GAPDH: variants seen among roughly 807,000 people sequenced by gnomAD.
GAPDH encodes OCAS, p38 component.
In GAPDH, 13 loss-of-function variants were observed where a neutral mutation model predicts 31.2. The observed-to-expected ratio is 0.42, with a 90% CI of 0.27 to 0.66. The LOEUF is 0.66. GAPDH is among the 30% of genes least tolerant of loss of function. The pLI is 0.26. For synonymous variants in GAPDH, 211 were observed against 166.9 expected (o/e 1.26, Z -2.04); for missense variants, 300 against 443.7 (o/e 0.68, Z 2.91).
chr12:6,535,155 C>T lies in GAPDH; in HGVS notation c.29+294C>T, dbSNP rs923345552. 8.4e-5 allele frequency: 88 copies of T among 1,048,130 alleles called. 1 individual carries two copies. In the Middle Eastern group the frequency reaches 1.4e-3, roughly 17 times the overall value. 64.9% of individuals were successfully genotyped at this position (1,048,130 alleles called of 1,614,324 possible). ...GACCCGGACCCCTAGGTGGGGGACG[C>T]TTTCTTTCCTTTCGCGCTCTGCGGG... On this transcript the variant is annotated intron_variant, in intron 2 of 8. Coordinates refer to ENST00000229239, the MANE Select transcript of GAPDH (RefSeq NM_002046.7).
chr12:6,534,601 T>C (rs964436761), intron 1 of GAPDH, 32 bp downstream of exon 1: 12 of 576,580 alleles, frequency 2.1e-5, no homozygotes, highest in Middle Eastern at 4.5e-4. Context: ...CCCGGGAGGC[T>C]AGGGACGGCC....
Position 6,537,273 on chromosome 12 carries a change from C to A in GAPDH, c.444-36C>A, listed in dbSNP as rs1190371258. 2 of 1,598,994 alleles carry A rather than the reference C, an allele frequency of 1.3e-6. No homozygotes were observed. Among genetic ancestry groups the A allele is most frequent in the South Asian group, 1.2e-5 (1 of 86,888 alleles). On this transcript the variant is annotated intron_variant, in intron 6 of 8. Transcript: ENST00000229239. The surrounding 1 kb of genome is among the most constrained non-coding windows in gnomAD (Gnocchi z 4.9). ...CAGCCTGGCACCCTATGGACACGCT[C>A]CCCTGACTTGCGCCCCGCTCCCTCT...
chr12:6,536,436 G>T, intron 2 of GAPDH, 58 bp from the exon 3 acceptor site: 1 of 1,268,032 alleles, frequency 7.9e-7, no homozygotes, highest in Non-Finnish European at 1.2e-6. Flanking sequence ...GCCTAGGGCT[G>T]CTCACATATT....
chr12:6,534,556 T>A lies in GAPDH; in HGVS notation c.-37T>A, dbSNP rs1946414806. Reference sequence around the variant, plus strand: ...CTGTTCGACAGTCAGCCGCATCTTCTTTTGCGTCGCCAGGTGAAGACGGGC... The same window carrying A: ...CTGTTCGACAGTCAGCCGCATCTTCATTTGCGTCGCCAGGTGAAGACGGGC... On this transcript the variant is annotated 5_prime_UTR_variant, in exon 1 of 9. Transcript: ENST00000229239. 6 of 521,728 alleles carry A rather than the reference T, an allele frequency of 1.2e-5. No homozygotes were observed. The highest frequency in any genetic ancestry group is 5.2e-4 in the Middle Eastern group (1 of 1,924). 32.3% of individuals were successfully genotyped at this position (521,728 alleles called of 1,614,324 possible). A position where few individuals can be genotyped will look rare whatever the true frequency, so the allele number is the denominator to read the frequency against.
intron 2 of GAPDH, 35 bp downstream of exon 2, chr12:6,534,896 C>A: frequency 2.5e-6 from 4 of 1,607,270 alleles, no homozygotes; most frequent in Non-Finnish European, 3.4e-6. Flanking sequence ...CCCTGGGCTG[C>A]GACCGCCCCC....
At chr12:6,535,449 C>T (rs1356744740) in intron 2 of GAPDH, 1 of 987,348 alleles carries the variant, frequency 1.0e-6, no homozygotes, top group Non-Finnish European at 1.2e-6. Flanking sequence ...CCGGGTGATG[C>T]TTTTCCTAGA....
chr12:6,536,609 T>C lies in GAPDH; in HGVS notation c.129+16T>C, dbSNP rs1442692775. 5.0e-6 allele frequency: 8 copies of C among 1,610,852 alleles called. No individual in the cohort carries two copies. The highest frequency in any genetic ancestry group is 6.8e-6 in the Non-Finnish European group (8 of 1,177,246). On this transcript the variant is annotated intron_variant, in intron 3 of 8. Coordinates refer to ENST00000229239, the MANE Select transcript of GAPDH (RefSeq NM_002046.7). The stretch of plus-strand genomic sequence containing the variant: ...CAACTACATGGTGAGTGCTACATGG[T>C]GAGCCCCAAAGCTGGTGTGGGAGGA...
At chr12:6,535,370 C>A in intron 2 of GAPDH, 2 of 989,922 alleles carry the variant, frequency 2.0e-6, no homozygotes, top group Non-Finnish European at 2.4e-6. Context: ...TGCGCTCCTG[C>A]CTCGATGGGT....
chr12:6,538,255 C>A lies in GAPDH; in HGVS notation c.*85C>A, dbSNP rs1946535357. Reference sequence around the variant, plus strand: ...GGGGAGTCCCTGCCACACTCAGTCCCCCACCACACTGAATCTCCCCTCCTC... The same window carrying A: ...GGGGAGTCCCTGCCACACTCAGTCCACCACCACACTGAATCTCCCCTCCTC... On this transcript the variant is annotated 3_prime_UTR_variant, in exon 9 of 9. Transcript: ENST00000229239. 5.5e-6 allele frequency: 6 copies of A among 1,093,200 alleles called. 1 individual carries two copies. The highest frequency in any genetic ancestry group is 3.7e-5 in the South Asian group (3 of 80,866). 67.7% of individuals were successfully genotyped at this position (1,093,200 alleles called of 1,614,324 possible). A position where few individuals can be genotyped will look rare whatever the true frequency, so the allele number is the denominator to read the frequency against.
In GAPDH at chr12:6,536,601, C is replaced by G. The variant is rs113854245; in HGVS notation, c.129+8C>G. 1 of 1,611,684 alleles carries G rather than the reference C, an allele frequency of 6.2e-7. No individual in the cohort carries two copies. Among genetic ancestry groups the G allele is most frequent in the East Asian group, 2.2e-5 (1 of 44,848 alleles). ...ATTGACCTCAACTACATGGTGAGTG[C>G]TACATGGTGAGCCCCAAAGCTGGTG... On this transcript the variant is annotated splice_region_variant and intron_variant, in intron 3 of 8. Transcript: ENST00000229239.
rs749094736 is a variant in GAPDH at position 6,536,809 on chromosome 12, G to A, written c.236+19G>A. 176 of 1,606,768 alleles carry A rather than the reference G, an allele frequency of 1.1e-4. No individual in the cohort carries two copies. The highest frequency in any genetic ancestry group is 1.4e-4 in the Non-Finnish European group (165 of 1,173,390). The stretch of plus-strand genomic sequence containing the variant: ...TCCAGGAGTGAGTGGAAGACAGAAT[G>A]GAAGAAATGTGCTTTGGGGAGGCAA... On this transcript the variant is annotated intron_variant, in intron 4 of 8. Transcript: ENST00000229239.
intron 2 of GAPDH, chr12:6,535,308 C>G (rs995080264): frequency 1.0e-6 from 1 of 1,000,286 alleles, no homozygotes; most frequent in Non-Finnish European, 1.2e-6. Flanking sequence ...ATGTTGCAAC[C>G]GGGAAGGAAA....
chr12:6,534,600 C>T, intron 1 of GAPDH, 31 bp downstream of exon 1: 1 of 576,240 alleles, frequency 1.7e-6, no homozygotes, highest in South Asian at 2.0e-5. Context: ...ACCCGGGAGG[C>T]TAGGGACGGC....
chr12:6,534,530 C>G lies in GAPDH; in HGVS notation c.-63C>G, dbSNP rs1385128877. On this transcript the variant is annotated 5_prime_UTR_variant, in exon 1 of 9. Transcript: ENST00000229239. ...GCCTCCCGCTTCGCTCTCTGCTCCTCCTGTTCGACAGTCAGCCGCATCTTC... is the reference window on the plus strand; with the variant it reads ...GCCTCCCGCTTCGCTCTCTGCTCCTGCTGTTCGACAGTCAGCCGCATCTTC... 2 of 476,432 alleles carry G rather than the reference C, an allele frequency of 4.2e-6. No individual in the cohort carries two copies. Among genetic ancestry groups the G allele is most frequent in the Non-Finnish European group, 7.6e-6 (2 of 262,998 alleles). 29.5% of individuals were successfully genotyped at this position (476,432 alleles called of 1,614,324 possible).
In GAPDH at chr12:6,538,358, C is replaced by G. The variant is rs771754711; in HGVS notation, c.*188C>G. 1 of 599,880 alleles carries G rather than the reference C, an allele frequency of 1.7e-6. No homozygotes were observed. Among genetic ancestry groups the G allele is most frequent in the Non-Finnish European group, 3.0e-6 (1 of 336,062 alleles). 37.2% of individuals were successfully genotyped at this position (599,880 alleles called of 1,614,324 possible). A position where few individuals can be genotyped will look rare whatever the true frequency, so the allele number is the denominator to read the frequency against. ...TTGTCATGTACCATCAATAAAGTAC[C>G]CTGTGCTCAACCAGTTACTTGTCCT... On this transcript the variant is annotated 3_prime_UTR_variant, in exon 9 of 9. Coordinates refer to ENST00000229239, the MANE Select transcript of GAPDH (RefSeq NM_002046.7).
chr12:6,535,258 A>G, intron 2 of GAPDH: 2 of 1,037,450 alleles, frequency 1.9e-6, no homozygotes, highest in Non-Finnish European at 2.3e-6. Flanking sequence ...CAGCGGGTGC[A>G]TCCCTGTCCG....
rs774047959 is a variant in GAPDH, at chr12:6,537,376, G to C, written c.511G>C (p.Val171Leu). 1.9e-6 allele frequency: 3 copies of C among 1,608,870 alleles called. No homozygotes were observed. Among genetic ancestry groups the C allele is most frequent in the Non-Finnish European group, 2.5e-6 (3 of 1,179,668 alleles). ...GGTCATCCATGACAACTTTGGTATC[G>C]TGGAAGGACTCATGGTATGAGAGCT... ...AKVIHDNFGI[V>L]EGLMTTVHAI... The change falls in exon 7 of 9, where the codon GTG becomes CTG. Residue 171 changes from valine (V) to leucine (L), a missense_variant. Coordinates refer to ENST00000229239, the MANE Select transcript of GAPDH (RefSeq NM_002046.7). The surrounding 1 kb of genome is among the most constrained non-coding windows in gnomAD (Gnocchi z 4.9).
chr12:6,536,654 G>T, intron 3 of GAPDH, 30 bp from the exon 4 acceptor site: 1 of 1,603,284 alleles, frequency 6.2e-7, no homozygotes, highest in South Asian at 1.1e-5. Context: ...CTGATGGGCA[G>T]CCCCTTCATA....
Position 6,538,009 on chromosome 12 carries a change from G to A in GAPDH, c.938+13G>A. On this transcript the variant is annotated intron_variant, in intron 8 of 8. Coordinates refer to ENST00000229239, the MANE Select transcript of GAPDH (RefSeq NM_002046.7). Reference sequence around the variant, plus strand: ...AGCTCATTTCCTGGTATGTGGCTGGGGCCAGAGACTGGCTCTTAAAAAGTG... The same window carrying A: ...AGCTCATTTCCTGGTATGTGGCTGGAGCCAGAGACTGGCTCTTAAAAAGTG... 6.3e-7 allele frequency: 1 copy of A among 1,594,746 alleles called. No individual in the cohort carries two copies. The highest frequency in any genetic ancestry group is 8.5e-7 in the Non-Finnish European group (1 of 1,178,500).
Sources: gnomAD v4.1 joint callset for allele counts on GRCh38, gnomAD v4.1.1 for gene constraint, Gnocchi (gnomAD v3.1) non-coding constraint, MANE v1.5 for transcripts, NCBI Gene and HGNC (gene_info 2026-07-23, HGNC 2026-07-21) for gene names.